NEK10: variants seen among roughly 807,000 people sequenced by gnomAD.
NEK10 encodes the protein serine/threonine-protein kinase Nek10.
A neutral mutation model predicts 159.8 loss-of-function variants in NEK10; 122 were observed. That is an observed-to-expected ratio of 0.76 (90% CI 0.66 to 0.89). The LOEUF (loss-of-function observed/expected upper bound fraction) is 0.89, where lower values mean the gene tolerates loss of function less well. NEK10 is among the 40% of genes least tolerant of loss of function. The pLI, the probability that NEK10 is intolerant of heterozygous loss-of-function variation, is 0.00. For missense variants in NEK10, 1,342 were observed against 1,323.1 expected (o/e 1.01, Z -0.22); for synonymous variants, 466 against 457.1 (o/e 1.02, Z -0.25).
chr3:27,211,348 G>A (rs1950994462), intron 23 of NEK10, among the ~76,000 whole-genome samples: 1 of 152,164 alleles, frequency 6.6e-6, no homozygotes, highest in African/African-American at 2.4e-5. Context: ...GTGACAATAA[G>A]TGAGCTAGAA....
chr3:27,170,632 G>A lies in NEK10; in HGVS notation c.2831+1187C>T, dbSNP rs151336789. 5.1e-3 allele frequency among the ~76,000 whole-genome samples: 778 copies of A among 152,088 alleles called. 6 individuals carry two copies. Among genetic ancestry groups the A allele is most frequent in the African/African-American group, 0.018 (741 of 41,486 alleles). ...CTGTAATCTCAGCTACTCGGGAGGC[G>A]GAGGCAGGAGAATCACTTGAACCTG... is the stretch of plus-strand genomic sequence containing the variant. On this transcript the variant is annotated intron_variant, in intron 29 of 35. Coordinates refer to ENST00000691995, the MANE Select transcript of NEK10 (RefSeq NM_001394966.1).
At chr3:27,259,131 T>C (rs2040166916) in intron 22 of NEK10, among the ~76,000 whole-genome samples, 1 of 152,100 alleles carries the variant, frequency 6.6e-6, no homozygotes, top group Non-Finnish European at 1.5e-5. Flanking sequence ...CTTTGTCAGA[T>C]GAGTAGATTG....
At chr3:27,346,308 A>G in intron 3 of NEK10, 92 bp from the exon 4 acceptor site, 1 of 1,363,674 alleles carries the variant, frequency 7.3e-7, no homozygotes, top group Non-Finnish European at 1.0e-6. Context: ...AGAGACTGAG[A>G]TTTTTTCCAG....
chr3:27,212,983 TTACATTGGGCATACCCCAAG>T (rs71091116), intron 23 of NEK10, among the ~76,000 whole-genome samples: 35,691 of 152,094 alleles, frequency 0.23, 4,536 homozygotes, highest in Middle Eastern at 0.38. Context: ...TCCTCTCCAT[TTACATTGGGCATACCCCAAG>T]TAAATGACTG....
At chr3:27,305,620 A>AT (rs1489612141) in intron 11 of NEK10, among the ~76,000 whole-genome samples, 75 of 90,382 alleles carry the variant, frequency 8.3e-4, no homozygotes, top group Middle Eastern at 5.8e-3. Flanking sequence ...AGACTAAAAA[A>AT]AAAAAAAAAA....
At chr3:27,308,458 T>C (rs2044417540) in intron 10 of NEK10, among the ~76,000 whole-genome samples, 1 of 152,196 alleles carries the variant, frequency 6.6e-6, no homozygotes, top group Non-Finnish European at 1.5e-5. Flanking sequence ...AATCATATGT[T>C]ATTCACAGAA....
intron 6 of NEK10, among the ~76,000 whole-genome samples, chr3:27,315,618 T>G (rs768621670): frequency 2.9e-4 from 44 of 151,736 alleles, no homozygotes; most frequent in Admixed American, 6.6e-5. Context: ...TTATATTTAT[T>G]CAACAAACAT....
intron 9 of NEK10, 44 bp downstream of exon 9, chr3:27,310,905 T>G: frequency 1.7e-6 from 2 of 1,200,050 alleles, no homozygotes; most frequent in East Asian, 2.3e-5. Flanking sequence ...TGTGAACTAT[T>G]GCCATAGGGA....
At chr3:27,122,996 C>T (rs1042716971) in intron 32 of NEK10, among the ~76,000 whole-genome samples, 14 of 152,152 alleles carry the variant, frequency 9.2e-5, no homozygotes, top group African/African-American at 9.7e-5. Flanking sequence ...CATTTTTTGA[C>T]GAATCCCAGA....
intron 29 of NEK10, among the ~76,000 whole-genome samples, chr3:27,164,655 C>A (rs1399109653): frequency 1.3e-5 from 2 of 152,234 alleles, no homozygotes; most frequent in South Asian, 2.1e-4. Context: ...GGCCTCCATA[C>A]TTAACAATGT....
intron 30 of NEK10, among the ~76,000 whole-genome samples, chr3:27,146,399 C>A (rs1285667778): frequency 1.3e-5 from 2 of 152,130 alleles, no homozygotes; most frequent in Non-Finnish European, 2.9e-5. Flanking sequence ...ATTCTCTCAG[C>A]TAAGGATCAG....
At chr3:27,152,286 G>T (rs940270706) in intron 30 of NEK10, among the ~76,000 whole-genome samples, 5 of 152,302 alleles carry the variant, frequency 3.3e-5, no homozygotes, top group African/African-American at 1.2e-4. Context: ...CAGATTAATA[G>T]CAGATTTCTC....
At chr3:27,227,550 C>T (rs1952764404) in intron 23 of NEK10, among the ~76,000 whole-genome samples, 1 of 152,176 alleles carries the variant, frequency 6.6e-6, no homozygotes, top group Non-Finnish European at 1.5e-5. Flanking sequence ...CTCCTGCAGC[C>T]CCTTCAACTC....
chr3:27,195,068 T>C (rs1485068127), intron 25 of NEK10, among the ~76,000 whole-genome samples: 2 of 152,210 alleles, frequency 1.3e-5, no homozygotes, highest in Non-Finnish European at 2.9e-5. Context: ...ATGCAAACTG[T>C]GTGAGCTCTA....
intron 18 of NEK10, 39 bp from the exon 19 acceptor site, chr3:27,290,793 G>A (rs2042944255): frequency 1.3e-6 from 2 of 1,486,262 alleles, no homozygotes; most frequent in Non-Finnish European, 1.8e-6. Flanking sequence ...AAAAGGAACA[G>A]GGTAAAGAAG....
intron 25 of NEK10, chr3:27,194,068 T>G (rs552057093): frequency 2.2e-4 from 34 of 151,950 alleles, no homozygotes; most frequent in African/African-American, 7.7e-4. Context: ...TACCAGAAGT[T>G]CCAGGATAGT....
chr3:27,126,651 A>ATT (rs1390148829), intron 32 of NEK10, among the ~76,000 whole-genome samples: 3 of 152,104 alleles, frequency 2.0e-5, no homozygotes, highest in African/African-American at 7.2e-5. Flanking sequence ...GAATCCACAC[A>ATT]TTAACAAGAT....
At chr3:27,201,042 A>C (rs961641753) in intron 25 of NEK10, among the ~76,000 whole-genome samples, 23 of 152,150 alleles carry the variant, frequency 1.5e-4, no homozygotes, top group African/African-American at 5.3e-4. Flanking sequence ...TGATAGCTGG[A>C]GCTCCTGATT....
At chr3:27,302,052 C>T (rs949560961) in intron 12 of NEK10, among the ~76,000 whole-genome samples, 1 of 152,118 alleles carries the variant, frequency 6.6e-6, no homozygotes, top group African/African-American at 2.4e-5. Flanking sequence ...TGAAAAGTGT[C>T]CTCTCCCCAC....
Sources: gnomAD v4.1 joint callset for allele counts (sites outside exome capture counted in the v4.1 genomes callset) on GRCh38, gnomAD v4.1.1 for gene constraint, MANE v1.5 for transcripts, NCBI Gene and HGNC (gene_info 2026-07-23, HGNC 2026-07-21) for gene names.